Variants in DRC11 observed in about 807,000 individuals in gnomAD.
The protein encoded by DRC11 is dynein regulatory complex subunit 11.
At chr2:236,306,985 G>C in the DRC11 span, among the ~76,000 whole-genome samples, 1 of 152,084 alleles carries the variant, frequency 6.6e-6, no homozygotes, top group African/African-American at 2.4e-5. This position sits in a 1 kb window ranked among gnomAD's most constrained non-coding sequence, Gnocchi z 5.9. Flanking sequence ...TTGCAGCCCC[G>C]TCCTATAATA....
chr2:236,345,885 G>C, the DRC11 span, among the ~76,000 whole-genome samples: 2 of 152,214 alleles, frequency 1.3e-5, no homozygotes, highest in Non-Finnish European at 2.9e-5. Context: ...CAGTCATTCA[G>C]TGAGTGATGG....
At chr2:236,424,029 C>T in the DRC11 span, among the ~76,000 whole-genome samples, 3 of 125,716 alleles carry the variant, frequency 2.4e-5, no homozygotes, top group Admixed American at 1.1e-4. Flanking sequence ...GGAAGGGGAA[C>T]ATCACACTCT....
At chr2:236,375,449 C>G in the DRC11 span, among the ~76,000 whole-genome samples, 1 of 152,110 alleles carries the variant, frequency 6.6e-6, no homozygotes, top group African/African-American at 2.4e-5. The surrounding 1 kb of genome is among the most constrained non-coding windows in gnomAD (Gnocchi z 4.2). Context: ...AAAATATTAA[C>G]AGAATTAACA....
the DRC11 span, among the ~76,000 whole-genome samples, chr2:236,498,799 T>G: frequency 3.3e-5 from 5 of 152,186 alleles, no homozygotes; most frequent in Non-Finnish European, 7.3e-5. Context: ...TCCCCGCTTT[T>G]CCTGCCAGAG....
At chr2:236,321,562 A>T in the DRC11 span, among the ~76,000 whole-genome samples, 1 of 151,660 alleles carries the variant, frequency 6.6e-6, no homozygotes, top group Non-Finnish European at 1.5e-5. Flanking sequence ...TGAGCTATGG[A>T]GTGTTGGCTC....
chr2:236,313,533 G>T, the DRC11 span, among the ~76,000 whole-genome samples: 1 of 152,264 alleles, frequency 6.6e-6, no homozygotes, highest in East Asian at 1.9e-4. This position sits in a 1 kb window ranked among gnomAD's most constrained non-coding sequence, Gnocchi z 4.5. Context: ...AACATACATA[G>T]AACTAGCAAT....
At chr2:236,320,932 G>A in the DRC11 span, among the ~76,000 whole-genome samples, 2 of 152,046 alleles carry the variant, frequency 1.3e-5, no homozygotes, top group African/African-American at 4.8e-5. Flanking sequence ...CTAGGGCATG[G>A]CGGCCTCACC....
chr2:236,420,098 G>C, the DRC11 span, among the ~76,000 whole-genome samples: 1 of 152,162 alleles, frequency 6.6e-6, no homozygotes, highest in East Asian at 1.9e-4. This position sits in a 1 kb window ranked among gnomAD's most constrained non-coding sequence, Gnocchi z 4.8. Context: ...ATAGCACTTA[G>C]GATCCGCCAG....
At chr2:236,457,422 T>C in the DRC11 span, among the ~76,000 whole-genome samples, 3 of 152,224 alleles carry the variant, frequency 2.0e-5, no homozygotes, top group East Asian at 5.8e-4. The surrounding 1 kb of genome is among the most constrained non-coding windows in gnomAD (Gnocchi z 4.7). Context: ...TACAAACGTC[T>C]ATAATTTCTT....
chr2:236,427,497 T>C, the DRC11 span, among the ~76,000 whole-genome samples: 3 of 152,150 alleles, frequency 2.0e-5, no homozygotes, highest in Non-Finnish European at 4.4e-5. This position sits in a 1 kb window ranked among gnomAD's most constrained non-coding sequence, Gnocchi z 5.9. Flanking sequence ...TGTTGTTGTA[T>C]AATAATTTAT....
At chr2:236,377,170 C>G in the DRC11 span, 7 of 1,611,694 alleles carry the variant, frequency 4.3e-6, no homozygotes, top group South Asian at 7.7e-5. This position sits in a 1 kb window ranked among gnomAD's most constrained non-coding sequence, Gnocchi z 4.9. Context: ...GTTCCTTATA[C>G]AGAGACTCGA....
chr2:236,463,932 T>G, the DRC11 span, among the ~76,000 whole-genome samples: 51 of 152,212 alleles, frequency 3.4e-4, no homozygotes, highest in Non-Finnish European at 6.2e-4. This position sits in a 1 kb window ranked among gnomAD's most constrained non-coding sequence, Gnocchi z 5.0. Context: ...CTGTGGTTGG[T>G]GGGCAGCACT....
chr2:236,320,011 C>G, the DRC11 span, among the ~76,000 whole-genome samples: 26 of 152,336 alleles, frequency 1.7e-4, 1 homozygote, highest in African/African-American at 4.6e-4. Context: ...TTCTCAGCCC[C>G]TAGCACTGTG....
the DRC11 span, among the ~76,000 whole-genome samples, chr2:236,382,416 T>C: frequency 1.2e-4 from 19 of 152,222 alleles, no homozygotes; most frequent in Non-Finnish European, 2.1e-4. Flanking sequence ...TCAAAATTGC[T>C]TTAGTTATTC....
the DRC11 span, among the ~76,000 whole-genome samples, chr2:236,498,342 G>C: frequency 6.6e-6 from 1 of 152,114 alleles, no homozygotes; most frequent in African/African-American, 2.4e-5. Context: ...GCGCCCGCCT[G>C]TAGTCCCAGT....
the DRC11 span, among the ~76,000 whole-genome samples, chr2:236,429,496 G>A: frequency 6.6e-6 from 1 of 152,254 alleles, no homozygotes; most frequent in South Asian, 2.1e-4. The surrounding 1 kb of genome is among the most constrained non-coding windows in gnomAD (Gnocchi z 5.9). Flanking sequence ...CTAGTTGTGG[G>A]GGCCAGGCTA....
chr2:236,352,997 C>T, the DRC11 span, among the ~76,000 whole-genome samples: 1 of 152,054 alleles, frequency 6.6e-6, no homozygotes. The surrounding 1 kb of genome is among the most constrained non-coding windows in gnomAD (Gnocchi z 7.0). Flanking sequence ...TACACTCTCC[C>T]CAGGAATAAA....
At chr2:236,310,183 G>C in the DRC11 span, among the ~76,000 whole-genome samples, 2 of 129,520 alleles carry the variant, frequency 1.5e-5, no homozygotes, top group Non-Finnish European at 3.4e-5. This position sits in a 1 kb window ranked among gnomAD's most constrained non-coding sequence, Gnocchi z 5.5. Flanking sequence ...CCTTTGCCTT[G>C]GTTGACCTGG....
chr2:236,487,013 C>T, the DRC11 span: 1 of 737,816 alleles, frequency 1.4e-6, no homozygotes, highest in Non-Finnish European at 2.3e-6. Context: ...ATCCTAAGCT[C>T]TAGGCTGTCC....
Sources: allele counts gnomAD v4.1 joint callset (sites outside exome capture counted in the v4.1 genomes callset), GRCh38; gene constraint gnomAD v4.1.1; non-coding constraint Gnocchi (gnomAD v3.1); transcripts MANE v1.5; gene names NCBI Gene and HGNC (gene_info 2026-07-23, HGNC 2026-07-21).